CIT: variants seen among roughly 807,000 people sequenced by gnomAD.
CIT encodes the protein citron Rho-interacting kinase.
Under a neutral mutation model 272.7 loss-of-function variants are expected in CIT, and 79 were observed. The ratio of observed to expected loss-of-function variants is 0.29; its 90% CI spans 0.24 to 0.35. The LOEUF is 0.35. Ranked by LOEUF, CIT falls within the 10% of genes least tolerant of loss-of-function variation. The probability of loss-of-function intolerance (pLI) is 1.00; values close to 1 mark genes in which losing one functional copy is unlikely to be tolerated. For missense variants in CIT, 1,909 were observed against 2,618.3 expected, an observed-to-expected ratio of 0.73 and a Z score of 5.91; for synonymous variants, 948 against 995.6, an observed-to-expected ratio of 0.95 and a Z score of 0.90.
intron 10 of CIT, among the ~76,000 whole-genome samples, chr12:119,788,059 G>C (rs894758139): frequency 4.6e-5 from 7 of 152,176 alleles, no homozygotes; most frequent in African/African-American, 1.7e-4. Context: ...AAAACTCAGG[G>C]GGCTGAATTT....
intron 3 of CIT, among the ~76,000 whole-genome samples, chr12:119,861,472 A>G (rs760046229): frequency 4.6e-5 from 7 of 152,078 alleles, no homozygotes; most frequent in Admixed American, 6.5e-5. Flanking sequence ...CTGCAATGCC[A>G]GCTACTTAGG....
intron 7 of CIT, among the ~76,000 whole-genome samples, 168 bp downstream of exon 7, chr12:119,832,603 A>C (rs1968716746): frequency 6.6e-6 from 1 of 152,226 alleles, no homozygotes; most frequent in South Asian, 2.1e-4. Context: ...ATAAATAAAA[A>C]GGTGCCACGG....
chr12:119,714,436 A>G, intron 32 of CIT, 102 bp from the exon 33 acceptor site: 1 of 1,226,248 alleles, frequency 8.2e-7, no homozygotes. Context: ...TTGCAAATCA[A>G]ATCTCTGATA....
intron 4 of CIT, among the ~76,000 whole-genome samples, chr12:119,855,032 G>A (rs1456374996): frequency 1.3e-5 from 2 of 152,206 alleles, no homozygotes; most frequent in Admixed American, 1.3e-4. Flanking sequence ...GCTGAGGCGG[G>A]AGGGTCGCTT....
At chr12:119,705,156 G>A (rs981442040) in intron 40 of CIT, among the ~76,000 whole-genome samples, 11 of 152,050 alleles carry the variant, frequency 7.2e-5, no homozygotes, top group East Asian at 1.9e-4. Context: ...CAAGTGATCC[G>A]CCTGCCTCGG....
Position 119,784,627 on chromosome 12 carries a change from A to T in CIT, c.1401+333T>A, listed in dbSNP as rs945173743. 1.6e-6 allele frequency: 2 copies of T among 1,219,922 alleles called. No individual in the cohort carries two copies. The highest frequency in any genetic ancestry group is 3.1e-5 in the African/African-American group (2 of 64,598). 75.6% of individuals were successfully genotyped at this position (1,219,922 alleles called of 1,614,324 possible). A position where few individuals can be genotyped will look rare whatever the true frequency, so the allele number is the denominator to read the frequency against. ...AAAAGACTAGGAAGAGAGACTTCGC[A>T]TCACTCAAAGCAGATGGGATGTATC... On this transcript the variant is annotated intron_variant, in intron 11 of 47. Coordinates refer to ENST00000392521, the MANE Select transcript of CIT (RefSeq NM_001206999.2). This position sits in a 1 kb window ranked among gnomAD's most constrained non-coding sequence, Gnocchi z 4.7.
chr12:119,736,352 C>T (rs931355128), intron 24 of CIT, among the ~76,000 whole-genome samples: 5 of 151,314 alleles, frequency 3.3e-5, no homozygotes, highest in African/African-American at 1.2e-4. Context: ...GCTTTCATGA[C>T]TAATTCCCTA....
intron 10 of CIT, among the ~76,000 whole-genome samples, chr12:119,796,546 T>A (rs531393231): frequency 1.3e-5 from 2 of 152,280 alleles, no homozygotes; most frequent in African/African-American, 2.4e-5. Context: ...AACTAGCACC[T>A]AGTGGCTTAC....
At chr12:119,876,782 G>A (rs1950862910) in intron 1 of CIT, among the ~76,000 whole-genome samples, 1 of 152,182 alleles carries the variant, frequency 6.6e-6, no homozygotes, top group Admixed American at 6.5e-5. Flanking sequence ...GCAGGACCTG[G>A]CCTCTCCAGC....
intron 20 of CIT, among the ~76,000 whole-genome samples, chr12:119,759,114 A>G (rs1961404645): frequency 6.6e-6 from 1 of 152,062 alleles, no homozygotes; most frequent in African/African-American, 2.4e-5. Flanking sequence ...CCCAGCCACC[A>G]TTGCTCTAGA....
rs907963986 is a variant in CIT, at chr12:119,768,779, C to T, written c.2209-1597G>A. Among the ~76,000 whole-genome samples, 5 of 152,240 alleles carry T rather than the reference C, an allele frequency of 3.3e-5. No homozygotes were observed. The highest frequency in any genetic ancestry group is 7.3e-5 in the Non-Finnish European group (5 of 68,044). On this transcript the variant is annotated intron_variant, in intron 18 of 47. Coordinates refer to ENST00000392521, the MANE Select transcript of CIT (RefSeq NM_001206999.2). The surrounding 1 kb of genome is among the most constrained non-coding windows in gnomAD (Gnocchi z 4.3). ...TCTTTTACTAAGGCCAAGGACTCTA[C>T]TGTACTGACTGTACCATTATCTGTT... is the stretch of plus-strand genomic sequence containing the variant.
chr12:119,836,116 G>A (rs1183563572), intron 5 of CIT, among the ~76,000 whole-genome samples: 2 of 151,460 alleles, frequency 1.3e-5, no homozygotes, highest in African/African-American at 4.9e-5. Context: ...GTGAAACCCC[G>A]TCTTTACTAA....
intron 9 of CIT, among the ~76,000 whole-genome samples, chr12:119,807,871 G>A (rs1192370500): frequency 1.3e-5 from 2 of 150,322 alleles, no homozygotes; most frequent in Admixed American, 1.3e-4. Context: ...AAGACCTATT[G>A]TTCACTGGGA....
intron 3 of CIT, among the ~76,000 whole-genome samples, chr12:119,859,453 C>A (rs991638136): frequency 3.3e-5 from 5 of 152,154 alleles, no homozygotes; most frequent in Admixed American, 3.3e-4. Flanking sequence ...CATTTCATAC[C>A]ACAGTCAGTG....
chr12:119,765,151 A>G (rs910924496), intron 19 of CIT, among the ~76,000 whole-genome samples: 1 of 152,036 alleles, frequency 6.6e-6, no homozygotes, highest in African/African-American at 2.4e-5. Flanking sequence ...GGGAAGAGAC[A>G]ATATTTGAGA....
At chr12:119,738,830 C>T (rs1210203540) in intron 24 of CIT, among the ~76,000 whole-genome samples, 1 of 149,476 alleles carries the variant, frequency 6.7e-6, no homozygotes, top group Non-Finnish European at 1.5e-5. Context: ...TTGTGGTGAG[C>T]CAAGATCACG....
At position 119,756,744 on chromosome 12, in the gene CIT, G is replaced by A. The variant is rs371663486; in HGVS notation, c.2706+627C>T. On this transcript the variant is annotated intron_variant, in intron 22 of 47. Coordinates refer to ENST00000392521, the MANE Select transcript of CIT (RefSeq NM_001206999.2). ...TCAGGTTCCCTGCCTCCAGCCCCAC[G>A]TGTTTTCCTTTCGATCCAGCTCTGG... Among the ~76,000 whole-genome samples the A allele has an allele frequency of 1.4e-4, 22 of 151,896 alleles. No homozygotes were observed. The East Asian group carries it at 1.6e-3, about 11-fold the overall frequency.
chr12:119,697,918 G>A lies in CIT; in HGVS notation c.5702+58C>T, dbSNP rs962468884. The A allele has an allele frequency of 2.3e-5, 37 of 1,612,318 alleles. No homozygotes were observed. The highest frequency in any genetic ancestry group is 1.6e-4 in the Middle Eastern group (1 of 6,080). ...GCAAGTTAGGAAGGAACATGCGGCC[G>A]GCCCCAACACCTACCCCAATAGCTG... On this transcript the variant is annotated intron_variant, in intron 45 of 47. Transcript: ENST00000392521. The surrounding 1 kb of genome is among the most constrained non-coding windows in gnomAD (Gnocchi z 4.9).
At chr12:119,760,324 A>G (rs188803680) in intron 20 of CIT, among the ~76,000 whole-genome samples, 1 of 152,096 alleles carries the variant, frequency 6.6e-6, no homozygotes, top group South Asian at 2.1e-4. Context: ...AGAGACAAAC[A>G]GGCAAGTAAA....
Sources: allele counts gnomAD v4.1 joint callset (sites outside exome capture counted in the v4.1 genomes callset), GRCh38; gene constraint gnomAD v4.1.1; non-coding constraint Gnocchi (gnomAD v3.1); transcripts MANE v1.5; gene names NCBI Gene and HGNC (gene_info 2026-07-23, HGNC 2026-07-21).